Variants in FADS2 observed in about 807,000 individuals in gnomAD.
FADS2 encodes the protein fatty acid desaturase 2, also known as acyl-CoA 6-desaturase.
Under a neutral mutation model 61.2 loss-of-function variants are expected in FADS2, and 18 were observed. That is an observed-to-expected ratio of 0.29 (90% CI 0.20 to 0.44). The LOEUF (loss-of-function observed/expected upper bound fraction) is 0.44, where lower values mean the gene tolerates loss of function less well. Among genes scored for constraint, FADS2 ranks in the 20% least tolerant of loss-of-function variants. FADS2 has a pLI of 1.00. For synonymous variants in FADS2, 203 were observed against 223.9 expected (o/e 0.91, Z 0.83); for missense variants, 322 against 572.7 (o/e 0.56, Z 4.47).
At chr11:61,833,320 C>G (rs999334838) in intron 1 of FADS2, among the ~76,000 whole-genome samples, 2 of 152,198 alleles carry the variant, frequency 1.3e-5, no homozygotes, top group African/African-American at 2.4e-5. Context: ...GGTTGGCCCT[C>G]CCTTGCCTTG....
chr11:61,830,761 A>G (rs1046896614), intron 1 of FADS2, among the ~76,000 whole-genome samples: 11 of 152,214 alleles, frequency 7.2e-5, no homozygotes, highest in Non-Finnish European at 1.5e-4. Flanking sequence ...CCTCATCTAT[A>G]AGGTACACCT....
At chr11:61,830,668 G>A (rs2067121372) in intron 1 of FADS2, among the ~76,000 whole-genome samples, 1 of 152,136 alleles carries the variant, frequency 6.6e-6, no homozygotes, top group Non-Finnish European at 1.5e-5. Flanking sequence ...AGCCAACCGG[G>A]GCTGCAAACA....
upstream of FADS2, chr11:61,828,228 A>T (rs2067099107): frequency 7.0e-7 from 1 of 1,432,704 alleles, no homozygotes; most frequent in East Asian, 2.5e-5. The surrounding 1 kb of genome is among the most constrained non-coding windows in gnomAD (Gnocchi z 6.4). Context: ...AGCGCAGGCG[A>T]GAAGGCTGGG....
At chr11:61,860,419 C>T (rs2067403259) in intron 7 of FADS2, among the ~76,000 whole-genome samples, 1 of 152,248 alleles carries the variant, frequency 6.6e-6, no homozygotes, top group African/African-American at 2.4e-5. Flanking sequence ...TCCTGAGATG[C>T]TCCCACGCTT....
At chr11:61,848,317 G>C in intron 5 of FADS2, 33 bp downstream of exon 5, 5 of 1,610,822 alleles carry the variant, frequency 3.1e-6, no homozygotes, top group Non-Finnish European at 4.2e-6. Flanking sequence ...GACCTAGGAA[G>C]TGTTTGTCCT....
intron 5 of FADS2, chr11:61,856,007 A>G (rs1423555049): frequency 6.6e-6 from 1 of 152,346 alleles, no homozygotes; most frequent in Non-Finnish European, 1.5e-5. Context: ...CAGCAAGGCT[A>G]AGCGACTCAC....
chr11:61,821,227 C>A (rs1176542986), intron 1 of FADS2, among the ~76,000 whole-genome samples: 1 of 152,160 alleles, frequency 6.6e-6, no homozygotes, highest in Non-Finnish European at 1.5e-5. Flanking sequence ...GAGCTTAAGA[C>A]CCTAATGCCA....
At position 61,816,592 on chromosome 11, in the gene FADS2, G is replaced by C. The variant is rs773209834; in HGVS notation, c.141+166G>C. The C allele has an allele frequency of 6.2e-7, 1 of 1,609,972 alleles. No homozygotes were observed. Among genetic ancestry groups the C allele is most frequent in the South Asian group, 1.1e-5 (1 of 90,498 alleles). On this transcript the variant is annotated intron_variant, in intron 1 of 11. Coordinates refer to the FADS2 transcript ENST00000257261. This position sits in a 1 kb window ranked among gnomAD's most constrained non-coding sequence, Gnocchi z 7.0. ...CCCGGCGTAGTGGCTGATGACCCGG[G>C]AGCCCCCTGGATGCCGGCGGGTGAA... is the stretch of plus-strand genomic sequence containing the variant.
At chr11:61,853,246 TCTC>T (rs1481029196) in intron 5 of FADS2, among the ~76,000 whole-genome samples, 28 of 141,096 alleles carry the variant, frequency 2.0e-4, no homozygotes, top group African/African-American at 7.1e-4. Context: ...TCTTTCTTTC[TCTC>T]TCTCTTTCTT....
intron 6 of FADS2, 21 bp downstream of exon 6, chr11:61,857,092 A>G: frequency 6.2e-7 from 1 of 1,608,640 alleles, no homozygotes; most frequent in Non-Finnish European, 8.5e-7. Context: ...GGCGCCCCGA[A>G]ATCACTCTGG....
chr11:61,835,674 G>A lies in FADS2; in HGVS notation c.208-2104G>A, dbSNP rs368404846. ...GCCGCCTCGGCCTCCCAAAGTGCTG[G>A]GATTACCGCACCCGGCCCCCTCTTC... On this transcript the variant is annotated intron_variant, in intron 1 of 11. Coordinates refer to ENST00000278840, the MANE Select transcript of FADS2 (RefSeq NM_004265.4). Among the ~76,000 whole-genome samples the A allele has an allele frequency of 1.9e-4, 29 of 151,918 alleles. No homozygotes were observed. In the East Asian group the frequency reaches 4.4e-3, roughly 23 times the overall value.
intron 1 of FADS2, among the ~76,000 whole-genome samples, chr11:61,832,985 A>C (rs1041861746): frequency 6.6e-6 from 1 of 152,230 alleles, no homozygotes; most frequent in Non-Finnish European, 1.5e-5. Flanking sequence ...GTGGATGGCG[A>C]GCAACTGTGA....
At chr11:61,841,039 ACAGTAAAGTAG>A (rs996881045) in intron 4 of FADS2, among the ~76,000 whole-genome samples, 29 of 150,668 alleles carry the variant, frequency 1.9e-4, no homozygotes, top group Non-Finnish European at 4.0e-4. Context: ...TTGTTTGGGG[ACAGTAAAGTAG>A]CAGTATTTTT....
At chr11:61,842,776 G>A (rs1278652524) in intron 4 of FADS2, among the ~76,000 whole-genome samples, 1 of 152,230 alleles carries the variant, frequency 6.6e-6, no homozygotes, top group Non-Finnish European at 1.5e-5. Context: ...CCTGAAATTG[G>A]CTCTAGCACT....
chr11:61,826,539 G>C, upstream of FADS2: 2 of 602,944 alleles, frequency 3.3e-6, no homozygotes, highest in Non-Finnish European at 3.0e-6. Context: ...TAATTTTCTT[G>C]GTTCCATTTC....
intron 2 of FADS2, among the ~76,000 whole-genome samples, chr11:61,838,607 A>C (rs2067194099): frequency 6.6e-6 from 1 of 152,038 alleles, no homozygotes; most frequent in South Asian, 2.1e-4. Flanking sequence ...CCAGGGCAGG[A>C]CCAGGGTCTC....
At chr11:61,862,642 C>T (rs965595994) in intron 7 of FADS2, 30 of 328,344 alleles carry the variant, frequency 9.1e-5, no homozygotes, top group Non-Finnish European at 1.4e-4. Context: ...GGGTTGGGGG[C>T]GCACCTTCAG....
At chr11:61,856,819 G>C in intron 5 of FADS2, 192 bp from the exon 6 acceptor site, 1 of 602,484 alleles carries the variant, frequency 1.7e-6, no homozygotes, top group Non-Finnish European at 3.0e-6. Flanking sequence ...GGCCGCTGCT[G>C]GCTGTAGCAT....
intron 4 of FADS2, among the ~76,000 whole-genome samples, chr11:61,841,202 C>T (rs1285878173): frequency 2.0e-5 from 3 of 151,924 alleles, no homozygotes; most frequent in Non-Finnish European, 4.4e-5. Context: ...CAGGCACTCG[C>T]CACCATGCCT....
Sources: gnomAD v4.1 joint callset for allele counts (sites outside exome capture counted in the v4.1 genomes callset) on GRCh38, gnomAD v4.1.1 for gene constraint, Gnocchi (gnomAD v3.1) non-coding constraint, MANE v1.5 for transcripts, NCBI Gene and HGNC (gene_info 2026-07-23, HGNC 2026-07-21) for gene names.